The following ZNF143 variants were observed in gnomAD, a reference collection of about 807,000 sequenced individuals.
ZNF143 encodes the protein zinc finger protein 143.
ZNF143 carries 49 observed loss-of-function variants against 74.1 expected under a neutral mutation model. The observed-to-expected ratio is 0.66, with a 90% CI of 0.53 to 0.84. The LOEUF (loss-of-function observed/expected upper bound fraction) is 0.84, where lower values mean the gene tolerates loss of function less well. Ranked by LOEUF, ZNF143 falls within the 40% of genes least tolerant of loss-of-function variation. ZNF143 has a pLI of 0.00. For synonymous variants in ZNF143, 304 were observed against 282.8 expected, an observed-to-expected ratio of 1.07 and a Z score of -0.75; for missense variants, 637 against 793.4, an observed-to-expected ratio of 0.80 and a Z score of 2.37.
intron 5 of ZNF143, among the ~76,000 whole-genome samples, chr11:9,476,415 C>T (rs922579300): frequency 4.6e-5 from 7 of 151,962 alleles, no homozygotes; most frequent in African/African-American, 1.2e-4. Flanking sequence ...GCTCTGTTGC[C>T]AGGCTGGAGT....
intron 2 of ZNF143, 57 bp from the exon 3 acceptor site, chr11:9,472,616 AAATT>A: frequency 7.0e-7 from 1 of 1,434,050 alleles, no homozygotes. Context: ...TTTGAAAAAA[AAATT>A]AATCAGCATG....
chr11:9,502,098 G>A lies in ZNF143; in HGVS notation c.1147+828G>A, dbSNP rs1159659009. Among the ~76,000 whole-genome samples the A allele has an allele frequency of 6.7e-4, 100 of 149,998 alleles. 2 individuals carry two copies. The highest frequency in any genetic ancestry group is 9.5e-4 in the African/African-American group (39 of 40,884). ...ATTACAGGCATGTGCCACCATGCCCGGGTAATTTTGTATTTTTAGTAGAGA... is the reference window on the plus strand; with the variant it reads ...ATTACAGGCATGTGCCACCATGCCCAGGTAATTTTGTATTTTTAGTAGAGA... On this transcript the variant is annotated intron_variant, in intron 11 of 15. Transcript: ENST00000396602.
intron 7 of ZNF143, among the ~76,000 whole-genome samples, chr11:9,492,105 ATTTTTTTTTTTTT>A (rs34432476): frequency 1.0e-5 from 1 of 100,240 alleles, no homozygotes; most frequent in Admixed American, 1.2e-4. Flanking sequence ...CACCTGGCTA[ATTTTTTTTTTTTT>A]TTTTTTTTTT....
intron 6 of ZNF143, 73 bp downstream of exon 6, chr11:9,478,659 A>G: frequency 6.5e-7 from 1 of 1,533,196 alleles, no homozygotes; most frequent in South Asian, 1.2e-5. Flanking sequence ...AAAGAAAACA[A>G]AAAAGTACAC....
chr11:9,513,059 C>T (rs1037952812), intron 13 of ZNF143, among the ~76,000 whole-genome samples: 5 of 152,128 alleles, frequency 3.3e-5, no homozygotes, highest in Admixed American at 2.0e-4. Context: ...ATCTTGATTT[C>T]CCCCCAGGAA....
At chr11:9,523,137 G>A (rs941572856) in intron 14 of ZNF143, among the ~76,000 whole-genome samples, 3 of 151,956 alleles carry the variant, frequency 2.0e-5, no homozygotes, top group Non-Finnish European at 4.4e-5. Context: ...TCTGAATTTT[G>A]TTATCTTTCT....
At chr11:9,497,450 C>T (rs745600548) in intron 9 of ZNF143, among the ~76,000 whole-genome samples, 12 of 152,118 alleles carry the variant, frequency 7.9e-5, no homozygotes, top group Non-Finnish European at 1.3e-4. Context: ...AGGCTGAGCT[C>T]GAACTCCTGA....
intron 12 of ZNF143, among the ~76,000 whole-genome samples, chr11:9,510,415 T>A (rs891833113): frequency 6.6e-6 from 1 of 152,098 alleles, no homozygotes; most frequent in African/African-American, 2.4e-5. Flanking sequence ...TGAGCCACCG[T>A]ACCCAGCCCA....
intron 11 of ZNF143, among the ~76,000 whole-genome samples, chr11:9,502,471 A>C (rs1046108951): frequency 6.6e-6 from 1 of 150,778 alleles, no homozygotes; most frequent in Non-Finnish European, 1.5e-5. Context: ...TTAGCCGGGC[A>C]TGGTGGCGGG....
intron 6 of ZNF143, among the ~76,000 whole-genome samples, 194 bp downstream of exon 6, chr11:9,478,780 C>G (rs1375311847): frequency 1.3e-5 from 2 of 151,932 alleles, no homozygotes; most frequent in African/African-American, 4.8e-5. Flanking sequence ...GAGCATAGAT[C>G]CCTGTCTCAA....
chr11:9,516,192 G>T lies in ZNF143; in HGVS notation c.1525-9G>T. On this transcript the variant is annotated splice_polypyrimidine_tract_variant and intron_variant, in intron 13 of 15. Transcript: ENST00000396602. ...CATTGACTGCTTTGTAAAATTCACT[G>T]TATTGCAGGTCAACATATCTCAAGC... 6.2e-7 allele frequency: 1 copy of T among 1,613,318 alleles called. No individual in the cohort carries two copies. Among genetic ancestry groups the T allele is most frequent in the South Asian group, 1.1e-5 (1 of 91,020 alleles).
intron 1 of ZNF143, among the ~76,000 whole-genome samples, chr11:9,466,308 T>C (rs560968409): frequency 6.3e-4 from 84 of 132,590 alleles, no homozygotes; most frequent in African/African-American, 1.6e-3. Flanking sequence ...CTTTTCTTTT[T>C]TTTTGAGATG....
At chr11:9,511,011 T>C (rs1158924516) in intron 12 of ZNF143, among the ~76,000 whole-genome samples, 1 of 152,034 alleles carries the variant, frequency 6.6e-6, no homozygotes, top group East Asian at 1.9e-4. Context: ...AAAGACCAAG[T>C]TTAGTATCAG....
chr11:9,495,241 C>G (rs953706231), intron 8 of ZNF143, among the ~76,000 whole-genome samples: 7 of 152,038 alleles, frequency 4.6e-5, no homozygotes, highest in Admixed American at 3.9e-4. Flanking sequence ...GTCAGGAGTT[C>G]AAGAACAGCC....
chr11:9,507,412 C>A (rs903818416), intron 11 of ZNF143, among the ~76,000 whole-genome samples: 2 of 152,112 alleles, frequency 1.3e-5, no homozygotes, highest in East Asian at 1.9e-4. Context: ...GAAATATTTA[C>A]TCATTTGCTC....
chr11:9,523,309 A>C (rs1343454469), intron 14 of ZNF143, among the ~76,000 whole-genome samples: 2 of 152,198 alleles, frequency 1.3e-5, no homozygotes, highest in African/African-American at 4.8e-5. Flanking sequence ...GGTAAGATTG[A>C]AACTTCAAAT....
rs1389452836 is a variant in ZNF143 at position 9,528,179 on chromosome 11, C to T, written c.*566C>T. 6.6e-6 allele frequency: 1 copy of T among 152,566 alleles called. No individual in the cohort carries two copies. Among genetic ancestry groups the T allele is most frequent in the Non-Finnish European group, 1.5e-5 (1 of 68,034 alleles). The allele number at this position is 152,566 out of a possible 1,614,324, so 9.5% of individuals were successfully genotyped here. ...ATAGTTTCCCATCCCTGTTAAAAACCAGCTCTTCAAGCTGAAATGCTAATT... is the reference window on the plus strand; with the variant it reads ...ATAGTTTCCCATCCCTGTTAAAAACTAGCTCTTCAAGCTGAAATGCTAATT... On this transcript the variant is annotated 3_prime_UTR_variant, in exon 16 of 16. Transcript: ENST00000396602.
At chr11:9,525,985 A>G (rs1328261135) in intron 15 of ZNF143, among the ~76,000 whole-genome samples, 1 of 152,086 alleles carries the variant, frequency 6.6e-6, no homozygotes, top group Non-Finnish European at 1.5e-5. Context: ...TACAAAAAAC[A>G]CAAAAATTAG....
rs549925959 is a variant in ZNF143, at chr11:9,464,596, G to T, written c.-8+3520G>T. On this transcript the variant is annotated intron_variant, in intron 1 of 15. Coordinates refer to ENST00000396602, the MANE Select transcript of ZNF143 (RefSeq NM_003442.6). ...AGCCTGGGGGACAGAACAAGACCCTGTCTCAATCAATCAATCAATCAATCA... is the reference window on the plus strand; with the variant it reads ...AGCCTGGGGGACAGAACAAGACCCTTTCTCAATCAATCAATCAATCAATCA... Among the ~76,000 whole-genome samples the T allele has an allele frequency of 4.6e-5, 7 of 151,844 alleles. No homozygotes were observed. In the East Asian group the frequency reaches 5.8e-4, roughly 13 times the overall value.
Sources: allele counts gnomAD v4.1 joint callset (sites outside exome capture counted in the v4.1 genomes callset), GRCh38; gene constraint gnomAD v4.1.1; transcripts MANE v1.5; gene names NCBI Gene and HGNC (gene_info 2026-07-23, HGNC 2026-07-21).